The following NRCAM variants were observed in gnomAD, a reference collection of about 807,000 sequenced individuals.
NRCAM encodes NgCAM-related cell adhesion molecule.
NRCAM carries 83 observed loss-of-function variants against 156.5 expected under a neutral mutation model. That is an observed-to-expected ratio of 0.53 (90% CI 0.44 to 0.64). The LOEUF (loss-of-function observed/expected upper bound fraction) is 0.64, where lower values mean the gene tolerates loss of function less well. NRCAM is among the 30% of genes least tolerant of loss of function. NRCAM has a pLI of 0.00. For missense variants in NRCAM, 1,417 were observed against 1,597.3 expected, an observed-to-expected ratio of 0.89 and a Z score of 1.92; for synonymous variants, 538 against 563.9, an observed-to-expected ratio of 0.95 and a Z score of 0.65.
intron 2 of NRCAM, among the ~76,000 whole-genome samples, chr7:108,394,695 T>C (rs74709896): frequency 0.011 from 1,721 of 152,344 alleles, 32 homozygotes; most frequent in African/African-American, 0.037. Flanking sequence ...TATTGGGATT[T>C]TGGAATAATT....
At chr7:108,155,789 G>GA (rs1418830733) in intron 32 of NRCAM, among the ~76,000 whole-genome samples, 2 of 152,166 alleles carry the variant, frequency 1.3e-5, no homozygotes, top group Admixed American at 6.5e-5. Context: ...GGGCATTTTA[G>GA]AAAATTTTTT....
At chr7:108,347,919 G>A (rs756685403) in intron 2 of NRCAM, among the ~76,000 whole-genome samples, 49 of 151,926 alleles carry the variant, frequency 3.2e-4, no homozygotes, top group Non-Finnish European at 1.0e-4. Context: ...GCCTAAACCC[G>A]CCTCCTCTCC....
rs2093325412 is a variant in NRCAM at position 108,225,708 on chromosome 7, T to C, written c.722-7A>G. ...GTGTCATTCAATTCATCCACTGAAA[T>C]AAACAGAATATTATGAAGAGGGCAT... On this transcript the variant is annotated splice_region_variant and splice_polypyrimidine_tract_variant and intron_variant, in intron 9 of 32. Transcript: ENST00000379028. The C allele has an allele frequency of 6.3e-7, 1 of 1,575,920 alleles. No homozygotes were observed. Among genetic ancestry groups the C allele is most frequent in the Non-Finnish European group, 8.7e-7 (1 of 1,145,516 alleles).
intron 1 of NRCAM, among the ~76,000 whole-genome samples, chr7:108,432,891 AAAAG>A (rs774212130): frequency 6.6e-6 from 1 of 151,804 alleles, no homozygotes; most frequent in Non-Finnish European, 1.5e-5. Flanking sequence ...AGACTCTGAA[AAAAG>A]AAAGAGAGAG....
intron 12 of NRCAM, among the ~76,000 whole-genome samples, chr7:108,208,511 A>C (rs569332697): frequency 1.8e-4 from 27 of 152,272 alleles, no homozygotes; most frequent in Non-Finnish European, 3.1e-4. Context: ...TACTTAACTA[A>C]ACTACACATT....
intron 7 of NRCAM, among the ~76,000 whole-genome samples, chr7:108,231,719 A>G (rs1311532051): frequency 6.6e-6 from 1 of 152,214 alleles, no homozygotes; most frequent in Non-Finnish European, 1.5e-5. Flanking sequence ...GGAAGGATTC[A>G]TGAACAGTTT....
chr7:108,326,065 ATTATT>A (rs1311930529), intron 2 of NRCAM, among the ~76,000 whole-genome samples: 1 of 152,160 alleles, frequency 6.6e-6, no homozygotes, highest in African/African-American at 2.4e-5. Flanking sequence ...TGAGTATCTC[ATTATT>A]TTAAATTCTT....
chr7:108,189,036 T>C (rs1426957314), intron 20 of NRCAM, among the ~76,000 whole-genome samples: 1 of 132,250 alleles, frequency 7.6e-6, no homozygotes, highest in Non-Finnish European at 1.7e-5. Flanking sequence ...TATTATGCTC[T>C]TCTAGTATCC....
At chr7:108,429,350 C>T (rs984470115) in intron 1 of NRCAM, among the ~76,000 whole-genome samples, 1 of 152,152 alleles carries the variant, frequency 6.6e-6, no homozygotes, top group Non-Finnish European at 1.5e-5. Context: ...CGCCACCACG[C>T]CTGGCTAATT....
At chr7:108,403,768 A>G (rs1002026362) in intron 1 of NRCAM, among the ~76,000 whole-genome samples, 1 of 152,228 alleles carries the variant, frequency 6.6e-6, no homozygotes, top group African/African-American at 2.4e-5. Flanking sequence ...TTTGAGAAAC[A>G]TATTGCAAAA....
At chr7:108,388,912 G>A (rs2099750403) in intron 2 of NRCAM, among the ~76,000 whole-genome samples, 2 of 136,080 alleles carry the variant, frequency 1.5e-5, no homozygotes, top group African/African-American at 7.6e-5. Context: ...CTGTTCCATT[G>A]TCTATATCTC....
intron 1 of NRCAM, among the ~76,000 whole-genome samples, chr7:108,455,969 C>A (rs1320751808): frequency 1.3e-5 from 2 of 152,190 alleles, no homozygotes; most frequent in Non-Finnish European, 2.9e-5. Flanking sequence ...GTGGTGGGTG[C>A]CGGCGCTGCT....
chr7:108,150,071 C>T lies in NRCAM; in HGVS notation c.3754G>A (p.Asp1252Asn). 1 of 1,614,070 alleles carries T rather than the reference C, an allele frequency of 6.2e-7. No homozygotes were observed. The highest frequency in any genetic ancestry group is 8.5e-7 in the Non-Finnish European group (1 of 1,179,956). ...TCTCCATAGTCAACTAGGCTGTCGT[C>T]ACTATCTTCTTTTTTCACAGTCCTG... The part of the protein sequence containing the change: ...SDRTVKKEDS[D>N]DSLVDYGEGV... The change falls in exon 33 of 33, where the codon GAC becomes AAC. Residue 1252 changes from aspartate to asparagine, a missense_variant. This residue lies in a region of NRCAM where 179 missense variants were observed against 260.9 expected (regional missense o/e 0.69). Coordinates refer to ENST00000379028, the MANE Select transcript of NRCAM (RefSeq NM_001037132.4).
At chr7:108,410,607 G>A (rs868470767) in intron 1 of NRCAM, among the ~76,000 whole-genome samples, 1 of 152,204 alleles carries the variant, frequency 6.6e-6, no homozygotes, top group African/African-American at 2.4e-5. Context: ...TGCGTTAGAG[G>A]TAAACCTTCC....
At chr7:108,434,399 T>C (rs2154471669) in intron 1 of NRCAM, among the ~76,000 whole-genome samples, 1 of 152,296 alleles carries the variant, frequency 6.6e-6, no homozygotes, top group South Asian at 2.1e-4. Context: ...ATCAGAGATT[T>C]ATCAGAGAGT....
intron 3 of NRCAM, among the ~76,000 whole-genome samples, chr7:108,241,434 C>A (rs533762888): frequency 1.3e-5 from 2 of 152,312 alleles, no homozygotes; most frequent in South Asian, 4.2e-4. Context: ...GTGGGGCAAC[C>A]AATGACTCTC....
At chr7:108,296,046 C>T (rs1349676706) in intron 3 of NRCAM, among the ~76,000 whole-genome samples, 1 of 152,242 alleles carries the variant, frequency 6.6e-6, no homozygotes, top group African/African-American at 2.4e-5. Context: ...GAAGCAAAGG[C>T]TATTCTTTGT....
At position 108,384,968 on chromosome 7, in the gene NRCAM, A is replaced by G. The variant is rs572303438; in HGVS notation, c.-174+14468T>C. Reference sequence around the variant, plus strand: ...AAGTGCTTTATGAAGTGTGAAGAACAAAGAATAGCAGTATGATCACCATCA... The same window carrying G: ...AAGTGCTTTATGAAGTGTGAAGAACGAAGAATAGCAGTATGATCACCATCA... On this transcript the variant is annotated intron_variant, in intron 2 of 32. Coordinates refer to ENST00000379028, the MANE Select transcript of NRCAM (RefSeq NM_001037132.4). Among the ~76,000 whole-genome samples the G allele has an allele frequency of 1.3e-3, 205 of 152,220 alleles. 2 individuals are homozygous for G. Among genetic ancestry groups the G allele is most frequent in the Non-Finnish European group, 2.6e-3 (175 of 68,042 alleles).
At chr7:108,299,138 G>A (rs998011169) in intron 3 of NRCAM, among the ~76,000 whole-genome samples, 10 of 81,798 alleles carry the variant, frequency 1.2e-4, no homozygotes, top group African/African-American at 2.8e-4. Context: ...AAGAAAGAAA[G>A]AAAAGAAAAG....
Sources: allele counts gnomAD v4.1 joint callset (sites outside exome capture counted in the v4.1 genomes callset), GRCh38; gene constraint gnomAD v4.1.1; regional missense constraint gnomAD v4.1.1; transcripts MANE v1.5; gene names NCBI Gene and HGNC (gene_info 2026-07-23, HGNC 2026-07-21).